NR3C2: variants seen among roughly 807,000 people sequenced by gnomAD.
NR3C2 encodes the protein mineralocorticoid receptor.
A neutral mutation model predicts 86.4 loss-of-function variants in NR3C2; 15 were observed. The observed-to-expected ratio is 0.17, with a 90% CI of 0.12 to 0.27. The LOEUF (loss-of-function observed/expected upper bound fraction) is 0.27, where lower values mean the gene tolerates loss of function less well. NR3C2 is among the 10% of genes least tolerant of loss of function. The pLI is 1.00. For missense variants in NR3C2, 960 were observed against 1,195.6 expected (o/e 0.80, Z 2.91); for synonymous variants, 458 against 450.5 (o/e 1.02, Z -0.21).
intron 8 of NR3C2, among the ~76,000 whole-genome samples, chr4:148,083,832 C>T (rs1578862512): frequency 6.6e-6 from 1 of 152,128 alleles, no homozygotes; most frequent in East Asian, 1.9e-4. Flanking sequence ...ATATAAATGA[C>T]CTGATGGAGC....
At chr4:148,391,712 C>T (rs1747579656) in intron 2 of NR3C2, among the ~76,000 whole-genome samples, 1 of 151,724 alleles carries the variant, frequency 6.6e-6, no homozygotes, top group African/African-American at 2.4e-5. Context: ...ACTAAAAATA[C>T]AAAAATTAGC....
At chr4:148,195,631 T>C (rs1256453225) in intron 3 of NR3C2, among the ~76,000 whole-genome samples, 2 of 152,044 alleles carry the variant, frequency 1.3e-5, no homozygotes, top group African/African-American at 4.8e-5. Flanking sequence ...GAAGGGAACA[T>C]GGAAGGTGAT....
At chr4:148,299,184 G>A (rs1362545896) in intron 2 of NR3C2, among the ~76,000 whole-genome samples, 2 of 152,070 alleles carry the variant, frequency 1.3e-5, no homozygotes, top group African/African-American at 4.8e-5. Context: ...TCTTGGTTGT[G>A]ACACAAGAAC....
chr4:148,177,939 TA>T (rs1489194612), intron 4 of NR3C2, among the ~76,000 whole-genome samples: 1 of 152,252 alleles, frequency 6.6e-6, no homozygotes, highest in Non-Finnish European at 1.5e-5. Context: ...CATTAATTAG[TA>T]ATTTTTTAAA....
At chr4:148,161,623 A>G (rs2149775468) in intron 4 of NR3C2, among the ~76,000 whole-genome samples, 1 of 152,182 alleles carries the variant, frequency 6.6e-6, no homozygotes, top group Admixed American at 6.5e-5. Context: ...CATATATTAC[A>G]TTTTAATGTG....
At chr4:148,424,774 G>A (rs1369971179) in intron 2 of NR3C2, among the ~76,000 whole-genome samples, 4 of 151,868 alleles carry the variant, frequency 2.6e-5, no homozygotes, top group Non-Finnish European at 2.9e-5. Flanking sequence ...TTGGGAGTGA[G>A]GAAAAGGGTT....
intron 2 of NR3C2, among the ~76,000 whole-genome samples, chr4:148,322,174 A>G (rs1414881902): frequency 6.7e-5 from 10 of 148,750 alleles, no homozygotes; most frequent in African/African-American, 2.2e-4. Context: ...CTGGGTTGAA[A>G]ATTCTTTTCT....
At chr4:148,306,277 C>T (rs1326582275) in intron 2 of NR3C2, among the ~76,000 whole-genome samples, 2 of 152,196 alleles carry the variant, frequency 1.3e-5, no homozygotes, top group African/African-American at 4.8e-5. Flanking sequence ...TATCACTCAG[C>T]TACAAATTAT....
Position 148,324,961 on chromosome 4 carries a change from G to A in NR3C2, c.1758-64844C>T, listed in dbSNP as rs529195281. On this transcript the variant is annotated intron_variant, in intron 2 of 8. Transcript: ENST00000358102. ...TCAAACATTGCTTTACAAATTACATGGGCATGAGAGAGAAAACCAATATCA... is the reference window on the plus strand; with the variant it reads ...TCAAACATTGCTTTACAAATTACATAGGCATGAGAGAGAAAACCAATATCA... Among the ~76,000 whole-genome samples the A allele has an allele frequency of 1.5e-4, 23 of 152,070 alleles. 2 individuals are homozygous for A. The highest frequency in any genetic ancestry group is 1.4e-3 in the Admixed American group (22 of 15,284).
chr4:148,235,200 TACTA>T (rs1738686156), intron 3 of NR3C2, among the ~76,000 whole-genome samples: 1 of 151,610 alleles, frequency 6.6e-6, no homozygotes, highest in Non-Finnish European at 1.5e-5. Flanking sequence ...CATGAGATGA[TACTA>T]AGGAAATTTT....
chr4:148,387,419 T>G (rs72729985), intron 2 of NR3C2, among the ~76,000 whole-genome samples: 34,421 of 152,144 alleles, frequency 0.23, 4,027 homozygotes, highest in African/African-American at 0.25. Context: ...TTAAGCCACT[T>G]TAGCCTGAGT....
intron 6 of NR3C2, among the ~76,000 whole-genome samples, chr4:148,130,824 T>TG (rs1733004729): frequency 1.3e-5 from 1 of 77,176 alleles, no homozygotes; most frequent in Non-Finnish European, 3.1e-5. Context: ...GTTTTGTTTT[T>TG]TTTTTTTTTT....
chr4:148,359,962 A>G (rs1349899520), intron 2 of NR3C2, among the ~76,000 whole-genome samples: 1 of 152,184 alleles, frequency 6.6e-6, no homozygotes, highest in Admixed American at 6.5e-5. Flanking sequence ...ATTGGTGCAT[A>G]GTGGTGGAGG....
chr4:148,366,389 C>T (rs1438738279), intron 2 of NR3C2, among the ~76,000 whole-genome samples: 1 of 107,050 alleles, frequency 9.3e-6, no homozygotes, highest in Non-Finnish European at 2.3e-5. Flanking sequence ...TACCCCATGT[C>T]AGGAGACTTC....
chr4:148,087,105 C>T lies in NR3C2; in HGVS notation c.2800-5606G>A, dbSNP rs141567844. On this transcript the variant is annotated intron_variant, in intron 8 of 8. Transcript: ENST00000358102. ...ATACAAAATCAGTGTGCAAAAGTTACAAGCATTCCTATACACCAATAATAG... is the reference window on the plus strand; with the variant it reads ...ATACAAAATCAGTGTGCAAAAGTTATAAGCATTCCTATACACCAATAATAG... Among the ~76,000 whole-genome samples, 409 of 152,306 alleles carry T rather than the reference C, an allele frequency of 2.7e-3. 3 individuals carry two copies. Among genetic ancestry groups the T allele is most frequent in the African/African-American group, 9.4e-3 (390 of 41,570 alleles).
chr4:148,319,815 G>A (rs529272275), intron 2 of NR3C2, among the ~76,000 whole-genome samples: 19 of 148,536 alleles, frequency 1.3e-4, no homozygotes, highest in African/African-American at 2.1e-4. Context: ...CAATCATGTC[G>A]TCTGCAAACA....
At chr4:148,124,382 G>C (rs7668163) in intron 6 of NR3C2, among the ~76,000 whole-genome samples, 79,801 of 152,042 alleles carry the variant, frequency 0.52, 21,127 homozygotes, top group East Asian at 0.71. Context: ...GGTGATTTAC[G>C]ACAGTACTTT....
At chr4:148,419,451 A>G (rs61758348) in intron 2 of NR3C2, among the ~76,000 whole-genome samples, 20 of 152,320 alleles carry the variant, frequency 1.3e-4, no homozygotes, top group Non-Finnish European at 2.6e-4. Flanking sequence ...CATATTCAGA[A>G]AAGATTATTT....
At chr4:148,413,399 T>C (rs1290525128) in intron 2 of NR3C2, among the ~76,000 whole-genome samples, 2 of 152,060 alleles carry the variant, frequency 1.3e-5, no homozygotes, top group Admixed American at 6.5e-5. Flanking sequence ...TAAGAATACA[T>C]TGAAAAATGC....
Sources: allele counts gnomAD v4.1 joint callset (sites outside exome capture counted in the v4.1 genomes callset), GRCh38; gene constraint gnomAD v4.1.1; transcripts MANE v1.5; gene names NCBI Gene and HGNC (gene_info 2026-07-23, HGNC 2026-07-21).